ADGRV1: variants seen among roughly 807,000 people sequenced by gnomAD.
ADGRV1 encodes adhesion G protein-coupled receptor V1.
In ADGRV1, 359 loss-of-function variants were observed where a neutral mutation model predicts 596.2. That is an observed-to-expected ratio of 0.60 (90% confidence interval 0.55 to 0.66). The LOEUF is 0.66. ADGRV1 is among the 30% of genes least tolerant of loss of function. The pLI, the probability that ADGRV1 is intolerant of heterozygous loss-of-function variation, is 0.00. For synonymous variants in ADGRV1, 2,681 were observed against 2,679.2 expected (o/e 1.00, Z -0.02); for missense variants, 7,274 against 7,575.6 (o/e 0.96, Z 1.48).
chr5:90,750,778 A>G, intron 53 of ADGRV1, 81 bp downstream of exon 53: 5 of 1,084,326 alleles, frequency 4.6e-6, no homozygotes, highest in Non-Finnish European at 6.9e-6. Context: ...TGCCTTATGG[A>G]TGAAGTGTTT....
At chr5:91,140,582 A>T (rs1374509082) in intron 87 of ADGRV1, among the ~76,000 whole-genome samples, 3 of 152,108 alleles carry the variant, frequency 2.0e-5, no homozygotes. Context: ...TTATCCTTGG[A>T]TGCCAAACCT....
At chr5:90,839,036 C>G (rs1044591485) in intron 77 of ADGRV1, among the ~76,000 whole-genome samples, 3 of 152,152 alleles carry the variant, frequency 2.0e-5, no homozygotes, top group Admixed American at 6.5e-5. Flanking sequence ...CCTCCATGCT[C>G]ATTCCCTACT....
At chr5:90,712,210 T>C in intron 41 of ADGRV1, 77 bp from the exon 42 acceptor site, 1 of 804,722 alleles carries the variant, frequency 1.2e-6, no homozygotes, top group Non-Finnish European at 1.8e-6. Flanking sequence ...AACTATATTG[T>C]ATTTCTTTCC....
rs1465743913 is a variant in ADGRV1 at position 90,784,037 on chromosome 5, G to A, written c.13633G>A (p.Gly4545Arg). 1.1e-5 allele frequency: 18 copies of A among 1,611,050 alleles called. No homozygotes were observed. Among genetic ancestry groups the A allele is most frequent in the East Asian group, 2.2e-5 (1 of 44,846 alleles). ...ATCACTGGTGCTGGAGCGGACTGGA[G>A]GACTCTTGGGAGAGATTCAGGTAGA... ...ILSLVLERTG[G>R]LLGEIQVNWE... The change falls in exon 67 of 90, where the codon GGA (glycine) becomes AGA (arginine). Residue 4545 changes from glycine (G) to arginine (R), a missense_variant. Gly to Arg is a moderately radical substitution (Grantham distance 125). Coordinates refer to ENST00000405460, the MANE Select transcript of ADGRV1 (RefSeq NM_032119.4).
In ADGRV1 at chr5:90,614,931, A is replaced by T. The variant is rs1373950802; in HGVS notation, c.119A>T (p.Glu40Val). 6.2e-7 allele frequency: 1 copy of T among 1,601,658 alleles called. No homozygotes were observed. The highest frequency in any genetic ancestry group is 1.7e-5 in the Admixed American group (1 of 59,136). ...GAAATAAGATTTACTGGACAAACTG[A>T]ATTTGTTGTTAATGAAACAAGTACA... Reference protein sequence around the residue: ...ETEIRFTGQTEFVVNETSTTV... With the variant: ...ETEIRFTGQTVFVVNETSTTV... The change falls in exon 2 of 90, where the codon GAA (glutamate) becomes GTA (valine). Residue 40 changes from glutamate (E) to valine (V), a missense_variant. Coordinates refer to ENST00000405460, the MANE Select transcript of ADGRV1 (RefSeq NM_032119.4).
At chr5:90,795,946 C>T (rs1450772384) in intron 70 of ADGRV1, among the ~76,000 whole-genome samples, 1 of 152,040 alleles carries the variant, frequency 6.6e-6, no homozygotes, top group African/African-American at 2.4e-5. Context: ...AGGAGCAGCA[C>T]ATCCACTCAG....
At chr5:91,035,851 T>G (rs1784818403) in intron 85 of ADGRV1, among the ~76,000 whole-genome samples, 1 of 87,526 alleles carries the variant, frequency 1.1e-5, no homozygotes, top group Non-Finnish European at 2.4e-5. Flanking sequence ...TGTGTATATA[T>G]ATATATATAT....
At chr5:90,962,230 A>G (rs1778095426) in intron 83 of ADGRV1, among the ~76,000 whole-genome samples, 1 of 152,266 alleles carries the variant, frequency 6.6e-6, no homozygotes, top group Non-Finnish European at 1.5e-5. Flanking sequence ...GAGGGAAAAC[A>G]TGTAGCGCCA....
intron 83 of ADGRV1, among the ~76,000 whole-genome samples, chr5:90,916,328 T>C (rs531862162): frequency 6.6e-6 from 1 of 152,330 alleles, no homozygotes; most frequent in South Asian, 2.1e-4. Context: ...TATATGAAGA[T>C]ATTTTTTAAT....
chr5:91,077,898 G>A (rs192162550), intron 86 of ADGRV1, among the ~76,000 whole-genome samples: 34 of 152,268 alleles, frequency 2.2e-4, no homozygotes, highest in African/African-American at 7.9e-4. Context: ...TCTGATTCAT[G>A]ATCCAGTTCT....
At chr5:90,819,151 T>C (rs1763219261) in intron 75 of ADGRV1, among the ~76,000 whole-genome samples, 1 of 152,176 alleles carries the variant, frequency 6.6e-6, no homozygotes, top group Admixed American at 6.5e-5. Context: ...TGGGAGAGTG[T>C]ATGTGTCAAG....
chr5:91,066,609 G>T (rs1787904936), intron 85 of ADGRV1, among the ~76,000 whole-genome samples: 1 of 152,206 alleles, frequency 6.6e-6, no homozygotes, highest in Admixed American at 6.5e-5. Context: ...TGGGGATGTG[G>T]AATCATAGCT....
At chr5:90,651,955 C>T (rs766707281) in intron 18 of ADGRV1, among the ~76,000 whole-genome samples, 7 of 151,570 alleles carry the variant, frequency 4.6e-5, no homozygotes, top group Non-Finnish European at 8.8e-5. Flanking sequence ...CCACCCCCCT[C>T]GTTCAAACTT....
At chr5:91,139,533 C>T (rs1270772960) in intron 87 of ADGRV1, among the ~76,000 whole-genome samples, 4 of 152,154 alleles carry the variant, frequency 2.6e-5, no homozygotes, top group Admixed American at 2.6e-4. Flanking sequence ...TATTTCTCTT[C>T]AAATGGAACA....
At chr5:91,130,379 A>G (rs2126792587) in intron 87 of ADGRV1, among the ~76,000 whole-genome samples, 1 of 151,974 alleles carries the variant, frequency 6.6e-6, no homozygotes, top group East Asian at 1.9e-4. Flanking sequence ...TAAAAATATA[A>G]AAATTAGCCG....
intron 18 of ADGRV1, 65 bp from the exon 19 acceptor site, chr5:90,652,281 A>T: frequency 8.7e-7 from 1 of 1,153,548 alleles, no homozygotes; most frequent in South Asian, 2.0e-5. Flanking sequence ...TTTCCTTAAT[A>T]ACACAGGAAG....
At position 90,848,644 on chromosome 5, in the gene ADGRV1, C is replaced by G; in HGVS notation, c.17027C>G (p.Thr5676Ser). The change falls in exon 79 of 90, where the codon ACT (threonine) becomes AGT (serine). Residue 5676 changes from threonine (T) to serine (S), a missense_variant. By Grantham distance (58) the Thr-to-Ser change is moderately conservative. Transcript: ENST00000405460. ...AMMHLIEKIT[T>S]EGKIQAFSVA... ...CTTAGATTCTTTTTCCAGATAACTACTGAAGGAAAAATTCAAGCTTTCAGT... is the reference window on the plus strand; with the variant it reads ...CTTAGATTCTTTTTCCAGATAACTAGTGAAGGAAAAATTCAAGCTTTCAGT... 1.3e-6 allele frequency: 2 copies of G among 1,493,052 alleles called. No homozygotes were observed. Among genetic ancestry groups the G allele is most frequent in the Non-Finnish European group, 1.8e-6 (2 of 1,125,234 alleles). The allele number at this position is 1,493,052 out of a possible 1,614,324, so 92.5% of individuals were successfully genotyped here. A position where few individuals can be genotyped will look rare whatever the true frequency, so the allele number is the denominator to read the frequency against.
intron 83 of ADGRV1, among the ~76,000 whole-genome samples, chr5:90,874,363 C>A: frequency 6.6e-6 from 1 of 152,312 alleles, no homozygotes; most frequent in South Asian, 2.1e-4. Context: ...CAAGAAGACC[C>A]ACCCCTACGG....
intron 1 of ADGRV1, among the ~76,000 whole-genome samples, chr5:90,587,674 C>T (rs995488673): frequency 6.6e-6 from 1 of 151,360 alleles, no homozygotes; most frequent in Admixed American, 6.6e-5. Flanking sequence ...CCTCCTGCTT[C>T]AGCTTCCTGA....
Sources: gnomAD v4.1 joint callset for allele counts (sites outside exome capture counted in the v4.1 genomes callset) on GRCh38, gnomAD v4.1.1 for gene constraint, MANE v1.5 for transcripts, NCBI Gene and HGNC (gene_info 2026-07-23, HGNC 2026-07-21) for gene names.